THUMPD2: variants seen among roughly 807,000 people sequenced by gnomAD.
THUMPD2 encodes the protein THUMP domain 2 tRNA and snRNA guanosine methyltransferase.
A neutral mutation model predicts 49.4 loss-of-function variants in THUMPD2; 56 were observed. The observed-to-expected ratio is 1.13, with a 90% CI of 0.91 to 1.41. The LOEUF (loss-of-function observed/expected upper bound fraction) is 1.41, where lower values mean the gene tolerates loss of function less well. Among genes scored for constraint, THUMPD2 ranks in the 40% most tolerant of loss-of-function variants. THUMPD2 has a pLI of 0.00. For missense variants in THUMPD2, 709 were observed against 594.5 expected (o/e 1.19, Z -2.00); for synonymous variants, 237 against 205.2 (o/e 1.15, Z -1.32).
At chr2:39,762,949 A>G (rs1249735837) in intron 5 of THUMPD2, among the ~76,000 whole-genome samples, 6 of 151,960 alleles carry the variant, frequency 3.9e-5, no homozygotes, top group Non-Finnish European at 7.4e-5. Flanking sequence ...TTAATATTTG[A>G]CAAAAGTGAA....
At chr2:39,739,458 C>G (rs928743527) in intron 9 of THUMPD2, among the ~76,000 whole-genome samples, 4 of 152,188 alleles carry the variant, frequency 2.6e-5, no homozygotes, top group African/African-American at 9.7e-5. Flanking sequence ...AGGGTAGCCA[C>G]TACTTTTCTC....
chr2:39,765,066 T>A (rs944547418), intron 5 of THUMPD2, among the ~76,000 whole-genome samples: 2 of 152,204 alleles, frequency 1.3e-5, no homozygotes, highest in African/African-American at 4.8e-5. Context: ...TAAGCATTTT[T>A]ATATATAATA....
chr2:39,769,065 G>C (rs1214606945), intron 3 of THUMPD2: 2 of 1,304,460 alleles, frequency 1.5e-6, no homozygotes, highest in Non-Finnish European at 2.0e-6. Context: ...TTGCAGTCTA[G>C]GTCCTGGTGA....
chr2:39,757,697 C>T (rs1489230328), intron 6 of THUMPD2, among the ~76,000 whole-genome samples: 8 of 152,152 alleles, frequency 5.3e-5, no homozygotes, highest in Non-Finnish European at 1.5e-5. Flanking sequence ...AGATGTATTT[C>T]TGTATACTTA....
At chr2:39,749,141 A>T (rs1259915862) in intron 8 of THUMPD2, among the ~76,000 whole-genome samples, 2 of 152,214 alleles carry the variant, frequency 1.3e-5, no homozygotes, top group African/African-American at 4.8e-5. Context: ...ATTAATTTTT[A>T]GCATGATGTT....
In THUMPD2 at chr2:39,755,934, C is replaced by A. The variant is rs1014988840; in HGVS notation, c.918G>T (p.Met306Ile). ...IKAGAFVLDP[M>I]CGLGTILLEA... Reference sequence around the variant, plus strand: ...CCAAAAGTATTGTTCCAAGTCCACACATTGGATCTAAAACAAATGCACCAG... The same window carrying A: ...CCAAAAGTATTGTTCCAAGTCCACAAATTGGATCTAAAACAAATGCACCAG... The change falls in exon 7 of 10, where the codon ATG (methionine) becomes ATT (isoleucine). Residue 306 changes from methionine (M) to isoleucine (I), a missense_variant. By Grantham distance (10) the Met-to-Ile change is conservative (BLOSUM62 1). Transcript: ENST00000505747. The A allele has an allele frequency of 1.2e-6, 2 of 1,613,706 alleles. No homozygotes were observed. Among genetic ancestry groups the A allele is most frequent in the Admixed American group, 1.7e-5 (1 of 59,968 alleles).
At position 39,765,267 on chromosome 2, in the gene THUMPD2, C is replaced by A. The variant is rs375149839; in HGVS notation, c.803+790G>T. On this transcript the variant is annotated intron_variant, in intron 5 of 9. Transcript: ENST00000505747. ...CTCCGCCTCCTGGGTTCAAGTGATT[C>A]TCCTGCCTCAGCCTCCTGAGTAGCT... Among the ~76,000 whole-genome samples, 33 of 152,216 alleles carry A rather than the reference C, an allele frequency of 2.2e-4. No individual in the cohort carries two copies. The East Asian group carries it at 3.1e-3, about 14-fold the overall frequency.
intron 6 of THUMPD2, among the ~76,000 whole-genome samples, chr2:39,759,645 T>G (rs1409699419): frequency 6.6e-6 from 1 of 152,130 alleles, no homozygotes; most frequent in African/African-American, 2.4e-5. Flanking sequence ...AGAAACACCT[T>G]ACAAGTTTCC....
intron 6 of THUMPD2, among the ~76,000 whole-genome samples, chr2:39,759,206 T>C (rs958877261): frequency 2.0e-5 from 3 of 151,886 alleles, no homozygotes; most frequent in Non-Finnish European, 2.9e-5. Flanking sequence ...ATTCACTAAA[T>C]AGTTGAGGCA....
intron 6 of THUMPD2, chr2:39,757,275 G>A: frequency 1.4e-6 from 1 of 731,478 alleles, no homozygotes; most frequent in South Asian, 1.4e-5. Flanking sequence ...TCGTGCTCGA[G>A]ATAGGGGAGA....
intron 8 of THUMPD2, among the ~76,000 whole-genome samples, chr2:39,749,543 G>T (rs1675102748): frequency 6.6e-6 from 1 of 152,198 alleles, no homozygotes; most frequent in African/African-American, 2.4e-5. Context: ...TTCTTCAGTT[G>T]CATGTGATAA....
intron 8 of THUMPD2, among the ~76,000 whole-genome samples, chr2:39,745,409 A>G (rs1471077496): frequency 2.0e-5 from 3 of 152,190 alleles, no homozygotes; most frequent in East Asian, 1.9e-4. Flanking sequence ...TTCGAAAAAA[A>G]GAAGGATAAT....
rs1350429771 is a variant in THUMPD2, at chr2:39,736,365, T to A, written c.*370A>T. The A allele has an allele frequency of 1.2e-5, 2 of 163,230 alleles. No individual in the cohort carries two copies. The highest frequency in any genetic ancestry group is 4.8e-5 in the African/African-American group (2 of 41,888). 10.1% of individuals were successfully genotyped at this position (163,230 alleles called of 1,614,324 possible). A position where few individuals can be genotyped will look rare whatever the true frequency, so the allele number is the denominator to read the frequency against. On this transcript the variant is annotated 3_prime_UTR_variant, in exon 10 of 10. Coordinates refer to ENST00000505747, the MANE Select transcript of THUMPD2 (RefSeq NM_025264.5). Reference sequence around the variant, plus strand: ...AGTTACACATAAAGGTTTTTACATTTCCGAAAATCTGATAGTTAAAATATC... The same window carrying A: ...AGTTACACATAAAGGTTTTTACATTACCGAAAATCTGATAGTTAAAATATC...
At chr2:39,773,894 G>A (rs991707343) in intron 1 of THUMPD2, among the ~76,000 whole-genome samples, 1 of 152,160 alleles carries the variant, frequency 6.6e-6, no homozygotes, top group Non-Finnish European at 1.5e-5. Context: ...CATATTATCA[G>A]AAGTACAGCA....
chr2:39,769,659 C>A, intron 3 of THUMPD2, 51 bp downstream of exon 3: 1 of 1,462,116 alleles, frequency 6.8e-7, no homozygotes, highest in Non-Finnish European at 9.0e-7. Context: ...CCAGATTGTG[C>A]AACTGCATTC....
At position 39,768,705 on chromosome 2, in the gene THUMPD2, C is replaced by A. The variant is rs1160731007; in HGVS notation, c.673-204G>T. 1.2e-5 allele frequency: 8 copies of A among 664,674 alleles called. No homozygotes were observed. In the Admixed American group the frequency reaches 2.3e-4, roughly 19 times the overall value. The allele number at this position is 664,674 out of a possible 1,614,324, so 41.2% of individuals were successfully genotyped here. A position where few individuals can be genotyped will look rare whatever the true frequency, so the allele number is the denominator to read the frequency against. ...ATTTTACCTGCCCTAGCCCCCAGTACACCCCATGGCATTAATGTCTACTCA... is the reference window on the plus strand; with the variant it reads ...ATTTTACCTGCCCTAGCCCCCAGTAAACCCCATGGCATTAATGTCTACTCA... On this transcript the variant is annotated intron_variant, in intron 3 of 9. Transcript: ENST00000505747.
At chr2:39,757,437 A>G (rs1344434298) in intron 6 of THUMPD2, 4 of 1,298,510 alleles carry the variant, frequency 3.1e-6, no homozygotes, top group East Asian at 5.6e-5. Flanking sequence ...TTTAAAGAGA[A>G]TATCACACAA....
At chr2:39,737,181 G>A in intron 9 of THUMPD2, 122 bp from the exon 10 acceptor site, 2 of 945,396 alleles carry the variant, frequency 2.1e-6, no homozygotes, top group Non-Finnish European at 3.1e-6. Flanking sequence ...TTAAATATAA[G>A]GATTTTTGAT....
chr2:39,766,169 C>T (rs1372901911), intron 4 of THUMPD2, 60 bp from the exon 5 acceptor site: 3 of 1,263,978 alleles, frequency 2.4e-6, no homozygotes, highest in African/African-American at 1.6e-5. Flanking sequence ...AAATTACTGA[C>T]AATTTGAAAT....
Sources: gnomAD v4.1 joint callset for allele counts (sites outside exome capture counted in the v4.1 genomes callset) on GRCh38, gnomAD v4.1.1 for gene constraint, MANE v1.5 for transcripts, NCBI Gene and HGNC (gene_info 2026-07-23, HGNC 2026-07-21) for gene names.